The following STK32B variants were observed in gnomAD, a reference collection of about 807,000 sequenced individuals.
STK32B encodes serine/threonine kinase 32B.
Under a neutral mutation model 52.6 loss-of-function variants are expected in STK32B, and 43 were observed. The observed-to-expected ratio is 0.82, with a 90% confidence interval of 0.64 to 1.05. The LOEUF (loss-of-function observed/expected upper bound fraction) is 1.05. Ranked by LOEUF, STK32B falls within the 50% of genes least tolerant of loss-of-function variation. The pLI is 0.00. For synonymous variants in STK32B, 238 were observed against 204.3 expected (o/e 1.17, Z -1.41); for missense variants, 621 against 534.6 (o/e 1.16, Z -1.59).
intron 1 of STK32B, among the ~76,000 whole-genome samples, chr4:5,088,157 A>T (rs1712841566): frequency 6.6e-6 from 1 of 152,144 alleles, no homozygotes; most frequent in South Asian, 2.1e-4. Flanking sequence ...AAGATTCACC[A>T]ATATGTGGAA....
chr4:5,318,190 G>A (rs895087086), intron 3 of STK32B, among the ~76,000 whole-genome samples: 32 of 152,116 alleles, frequency 2.1e-4, no homozygotes, highest in African/African-American at 7.7e-4. Flanking sequence ...AACAAAACAG[G>A]TGAGTAAATG....
At position 5,460,311 on chromosome 4, in the gene STK32B, T is replaced by C. The variant is rs1245510623; in HGVS notation, c.909+83T>C. 1 of 1,530,656 alleles carries C rather than the reference T, an allele frequency of 6.5e-7. No individual in the cohort carries two copies. The highest frequency in any genetic ancestry group is 1.4e-5 in the African/African-American group (1 of 72,368). 94.8% of individuals were successfully genotyped at this position (1,530,656 alleles called of 1,614,324 possible). A position where few individuals can be genotyped will look rare whatever the true frequency, so the allele number is the denominator to read the frequency against. On this transcript the variant is annotated intron_variant, in intron 9 of 11. Coordinates refer to ENST00000282908, the MANE Select transcript of STK32B (RefSeq NM_018401.3). This position sits in a 1 kb window ranked among gnomAD's most constrained non-coding sequence, Gnocchi z 4.8. ...GCAAAGCAAGACTTTGGCAGCTGGC[T>C]AGTGAGCCCTCTGCTGGCCACTTCC...
chr4:5,224,881 AT>A (rs1723767805), intron 3 of STK32B, among the ~76,000 whole-genome samples: 1 of 152,196 alleles, frequency 6.6e-6, no homozygotes, highest in African/African-American at 2.4e-5. Flanking sequence ...CTTATAAAGC[AT>A]TTTATTACAA....
chr4:5,126,839 A>G (rs947202553), intron 1 of STK32B, among the ~76,000 whole-genome samples: 1 of 152,196 alleles, frequency 6.6e-6, no homozygotes, highest in Non-Finnish European at 1.5e-5. Flanking sequence ...TAACCCAGTT[A>G]TCAATTTCCT....
intron 7 of STK32B, 35 bp from the exon 8 acceptor site, chr4:5,456,772 T>G (rs751022351): frequency 1.3e-6 from 2 of 1,518,382 alleles, no homozygotes; most frequent in Non-Finnish European, 1.8e-6. Context: ...CCAATGGCTC[T>G]CTCTCTGATT....
Position 5,094,433 on chromosome 4 carries a change from G to C in STK32B, c.52+42518G>C, listed in dbSNP as rs563616498. ...TTTGAGAGGCCTAGGTGGGAGGATTGTTTGAGCCCAGGAGTTCAAGTTCAG... is the reference window on the plus strand; with the variant it reads ...TTTGAGAGGCCTAGGTGGGAGGATTCTTTGAGCCCAGGAGTTCAAGTTCAG... On this transcript the variant is annotated intron_variant, in intron 1 of 11. Transcript: ENST00000282908. 3.9e-5 allele frequency among the ~76,000 whole-genome samples: 6 copies of C among 152,242 alleles called. No homozygotes were observed. In the South Asian group the frequency reaches 6.2e-4, roughly 16 times the overall value.
chr4:5,228,713 A>G (rs1315628502), intron 3 of STK32B, among the ~76,000 whole-genome samples: 1 of 152,160 alleles, frequency 6.6e-6, no homozygotes, highest in Non-Finnish European at 1.5e-5. Context: ...CACACCTGTA[A>G]TCCTAGCACT....
At chr4:5,228,874 G>T (rs1305497776) in intron 3 of STK32B, among the ~76,000 whole-genome samples, 1 of 152,138 alleles carries the variant, frequency 6.6e-6, no homozygotes, top group Non-Finnish European at 1.5e-5. Context: ...GCCTGAGACA[G>T]GAGAATTGCT....
At chr4:5,098,493 G>T (rs191292487) in intron 1 of STK32B, among the ~76,000 whole-genome samples, 5 of 152,332 alleles carry the variant, frequency 3.3e-5, no homozygotes, top group Admixed American at 2.0e-4. Flanking sequence ...ATGCATGTGT[G>T]TGCTAAGCAT....
At chr4:5,302,257 G>A (rs1729613263) in intron 3 of STK32B, among the ~76,000 whole-genome samples, 3 of 150,876 alleles carry the variant, frequency 2.0e-5, no homozygotes, top group Admixed American at 2.0e-4. Flanking sequence ...TGTATCCCCA[G>A]ATTAACATTT....
the STK32B span, among the ~76,000 whole-genome samples, chr4:5,022,367 C>T: frequency 6.6e-6 from 1 of 152,200 alleles, no homozygotes; most frequent in Non-Finnish European, 1.5e-5. Flanking sequence ...CTACGCAGGA[C>T]AGCCTGACGT....
At chr4:5,229,160 A>C (rs1262034229) in intron 3 of STK32B, among the ~76,000 whole-genome samples, 2 of 152,036 alleles carry the variant, frequency 1.3e-5, no homozygotes, top group Non-Finnish European at 2.9e-5. Flanking sequence ...AGATACTTTC[A>C]ATTTGTAAAA....
intron 1 of STK32B, among the ~76,000 whole-genome samples, chr4:5,113,186 G>A (rs926445766): frequency 3.9e-5 from 6 of 152,080 alleles, no homozygotes; most frequent in African/African-American, 1.5e-4. Flanking sequence ...TCACGAATGG[G>A]ATTAGTGTCC....
intron 1 of STK32B, among the ~76,000 whole-genome samples, chr4:5,130,799 C>G (rs1715724837): frequency 6.6e-6 from 1 of 152,162 alleles, no homozygotes. Context: ...CCACTCATCC[C>G]TTCCACTCAT....
chr4:5,465,405 G>A lies in STK32B; in HGVS notation c.910-1298G>A, dbSNP rs529520628. Among the ~76,000 whole-genome samples the A allele has an allele frequency of 6.6e-5, 10 of 152,146 alleles. No individual in the cohort carries two copies. The South Asian group carries it at 2.1e-3, about 32-fold the overall frequency. Reference sequence around the variant, plus strand: ...TCTGCAAAGTCCCTGTCTTCCTCCTGCCCCCAGGTCATGGCAAAGGCACTG... The same window carrying A: ...TCTGCAAAGTCCCTGTCTTCCTCCTACCCCCAGGTCATGGCAAAGGCACTG... On this transcript the variant is annotated intron_variant, in intron 9 of 11. Coordinates refer to ENST00000282908, the MANE Select transcript of STK32B (RefSeq NM_018401.3).
chr4:5,181,355 C>CACACAA (rs1720345185), intron 3 of STK32B, among the ~76,000 whole-genome samples: 2 of 146,036 alleles, frequency 1.4e-5, no homozygotes, highest in South Asian at 4.5e-4. Flanking sequence ...CACACACACA[C>CACACAA]ACACACACAC....
intron 1 of STK32B, among the ~76,000 whole-genome samples, chr4:5,113,926 G>T (rs113514336): frequency 3.5e-5 from 1 of 28,748 alleles, no homozygotes; most frequent in African/African-American, 1.1e-4. Context: ...AGGGAAACCC[G>T]CCCCCCTTTT....
intron 3 of STK32B, among the ~76,000 whole-genome samples, chr4:5,241,795 C>A (rs1725045954): frequency 1.3e-5 from 2 of 152,098 alleles, no homozygotes; most frequent in African/African-American, 4.8e-5. Context: ...TCTCATTGTT[C>A]AATTCCCACT....
At chr4:5,172,943 A>T (rs186742392) in intron 3 of STK32B, among the ~76,000 whole-genome samples, 4,388 of 152,096 alleles carry the variant, frequency 0.029, 88 homozygotes, top group Admixed American at 0.046. Context: ...TGGTCCTGGA[A>T]TTTTTTTAGT....
Sources: gnomAD v4.1 joint callset for allele counts (sites outside exome capture counted in the v4.1 genomes callset) on GRCh38, gnomAD v4.1.1 for gene constraint, Gnocchi (gnomAD v3.1) non-coding constraint, MANE v1.5 for transcripts, NCBI Gene and HGNC (gene_info 2026-07-23, HGNC 2026-07-21) for gene names.